Variants in CLNK observed in about 807,000 individuals in gnomAD.
CLNK encodes the protein cytokine-dependent hematopoietic cell linker.
Under a neutral mutation model 68.6 loss-of-function variants are expected in CLNK, and 74 were observed. The observed-to-expected ratio is 1.08, with a 90% CI of 0.89 to 1.31. The LOEUF (loss-of-function observed/expected upper bound fraction) is 1.31, where lower values mean the gene tolerates loss of function less well. CLNK is among the 50% of genes most tolerant of loss of function. CLNK has a pLI of 0.00. For missense variants in CLNK, 553 were observed against 515.3 expected, an observed-to-expected ratio of 1.07 and a Z score of -0.71; for synonymous variants, 198 against 172.2, an observed-to-expected ratio of 1.15 and a Z score of -1.17.
chr4:10,597,463 G>T (rs757871333), intron 3 of CLNK, among the ~76,000 whole-genome samples: 1 of 152,206 alleles, frequency 6.6e-6, no homozygotes, highest in Non-Finnish European at 1.5e-5. Flanking sequence ...AGCTCCTTGA[G>T]GGAGAGACTT....
chr4:10,700,056 G>T, the CLNK span, among the ~76,000 whole-genome samples: 392 of 147,750 alleles, frequency 2.7e-3, 2 homozygotes, highest in Admixed American at 2.7e-3. Flanking sequence ...GGCTCTGTTT[G>T]TGTGGAGAAC....
the CLNK span, chr4:10,697,204 G>T: frequency 6.6e-6 from 1 of 152,140 alleles, no homozygotes; most frequent in Non-Finnish European, 1.5e-5. Flanking sequence ...TGGACTCAGG[G>T]TTACCATGGA....
the CLNK span, among the ~76,000 whole-genome samples, chr4:10,718,779 T>C: frequency 6.6e-6 from 1 of 152,104 alleles, no homozygotes; most frequent in Non-Finnish European, 1.5e-5. Flanking sequence ...TTTCTTGTTC[T>C]CTTGAGTCTT....
At chr4:10,597,850 T>C (rs1721442589) in intron 3 of CLNK, 128 bp downstream of exon 3, 1 of 673,262 alleles carries the variant, frequency 1.5e-6, no homozygotes, top group Non-Finnish European at 2.6e-6. Flanking sequence ...CCTTGGTCTC[T>C]GTCTGACCTC....
At chr4:10,618,539 T>C (rs142322822) in intron 2 of CLNK, among the ~76,000 whole-genome samples, 29 of 152,370 alleles carry the variant, frequency 1.9e-4, no homozygotes, top group African/African-American at 6.0e-4. Flanking sequence ...TATGCTGTTT[T>C]AGTTTATTCT....
intron 2 of CLNK, among the ~76,000 whole-genome samples, chr4:10,654,803 G>T (rs528639765): frequency 6.6e-6 from 1 of 151,982 alleles, no homozygotes; most frequent in Admixed American, 6.6e-5. Context: ...TAAGTAAAAT[G>T]TCTAAAAATG....
At chr4:10,512,647 C>G (rs999190422) in intron 16 of CLNK, among the ~76,000 whole-genome samples, 2 of 151,956 alleles carry the variant, frequency 1.3e-5, no homozygotes, top group African/African-American at 4.8e-5. Flanking sequence ...TGTAGGAATT[C>G]ACCAGAGATA....
rs572329542 is a variant in CLNK, at chr4:10,490,629, G to T, written c.1141-16C>A. 1.3e-6 allele frequency: 2 copies of T among 1,550,318 alleles called. No individual in the cohort carries two copies. Among genetic ancestry groups the T allele is most frequent in the African/African-American group, 2.7e-5 (2 of 73,174 alleles). On this transcript the variant is annotated splice_polypyrimidine_tract_variant and intron_variant, in intron 18 of 18. Transcript: ENST00000226951. ...AATCAAACTTCTGAAACACAGAAAA[G>T]AAAGTTAATGACTTTTAAAATATCT...
chr4:10,513,351 A>C (rs949232713), intron 16 of CLNK, 113 bp downstream of exon 16: 63 of 954,330 alleles, frequency 6.6e-5, no homozygotes, highest in Non-Finnish European at 8.4e-5. Context: ...TATAGCCAGA[A>C]GGGAAAAAGT....
chr4:10,688,441 A>C (rs562608324), upstream of CLNK, among the ~76,000 whole-genome samples: 1 of 152,288 alleles, frequency 6.6e-6, no homozygotes, highest in African/African-American at 2.4e-5. Context: ...ATATTCAAGG[A>C]GGACCATGGT....
chr4:10,563,701 T>G (rs1360012016), intron 7 of CLNK, among the ~76,000 whole-genome samples: 1 of 152,036 alleles, frequency 6.6e-6, no homozygotes, highest in African/African-American at 2.4e-5. Context: ...GAGGTCAGGA[T>G]TTTGAGACCA....
the CLNK span, among the ~76,000 whole-genome samples, chr4:10,734,667 A>G: frequency 1.3e-5 from 2 of 152,226 alleles, no homozygotes; most frequent in African/African-American, 2.4e-5. Context: ...GGTATTTTAC[A>G]TCAGTGCTTC....
At chr4:10,716,128 C>T in the CLNK span, among the ~76,000 whole-genome samples, 9 of 152,154 alleles carry the variant, frequency 5.9e-5, no homozygotes, top group East Asian at 3.8e-4. Context: ...CAACAATAAG[C>T]GGTTTCTGAA....
chr4:10,712,028 C>T, the CLNK span, among the ~76,000 whole-genome samples: 1 of 152,128 alleles, frequency 6.6e-6, no homozygotes, highest in Non-Finnish European at 1.5e-5. Flanking sequence ...AGATCACATG[C>T]AGAAAGTTCA....
chr4:10,539,179 C>G (rs1237071798), intron 11 of CLNK, among the ~76,000 whole-genome samples: 1 of 152,212 alleles, frequency 6.6e-6, no homozygotes, highest in African/African-American at 2.4e-5. Flanking sequence ...AGCCTCTATT[C>G]CTTCCCATGC....
At chr4:10,618,075 G>T (rs947740275) in intron 2 of CLNK, among the ~76,000 whole-genome samples, 2 of 152,012 alleles carry the variant, frequency 1.3e-5, no homozygotes, top group Admixed American at 6.5e-5. Flanking sequence ...ACTTACACAC[G>T]AACATTCTTA....
the CLNK span, among the ~76,000 whole-genome samples, chr4:10,727,200 T>C: frequency 6.6e-6 from 1 of 152,232 alleles, no homozygotes; most frequent in South Asian, 2.1e-4. Flanking sequence ...GCAAGAGCCA[T>C]TCTCTTTTCA....
intron 2 of CLNK, among the ~76,000 whole-genome samples, chr4:10,648,899 C>G (rs1167615068): frequency 6.6e-6 from 1 of 152,180 alleles, no homozygotes; most frequent in African/African-American, 2.4e-5. Context: ...ACTCTTTCAT[C>G]TCTCAAACCA....
intron 16 of CLNK, among the ~76,000 whole-genome samples, chr4:10,512,863 A>G (rs976530352): frequency 1.3e-5 from 2 of 151,702 alleles, no homozygotes; most frequent in African/African-American, 4.8e-5. Flanking sequence ...GGGTAATGTA[A>G]GTAAAAAATG....
Sources: allele counts gnomAD v4.1 joint callset (sites outside exome capture counted in the v4.1 genomes callset), GRCh38; gene constraint gnomAD v4.1.1; transcripts MANE v1.5; gene names NCBI Gene and HGNC (gene_info 2026-07-23, HGNC 2026-07-21).